The following CCDC17 variants were observed in gnomAD, a reference collection of about 807,000 sequenced individuals.
CCDC17 encodes the protein coiled-coil domain-containing protein 17.
A neutral mutation model predicts 68.0 loss-of-function variants in CCDC17; 79 were observed. That is an observed-to-expected ratio of 1.16 (90% CI 0.97 to 1.40). The LOEUF (loss-of-function observed/expected upper bound fraction) is 1.40, where lower values mean the gene tolerates loss of function less well. Ranked by LOEUF, CCDC17 falls within the 40% of genes most tolerant of loss-of-function variation. CCDC17 has a pLI of 0.00. For missense variants in CCDC17, 846 were observed against 811.5 expected, an observed-to-expected ratio of 1.04 and a Z score of -0.52; for synonymous variants, 376 against 337.5, an observed-to-expected ratio of 1.11 and a Z score of -1.25.
intron 7 of CCDC17, 39 bp from the exon 8 acceptor site, chr1:45,622,034 AAGC>A (rs1199476560): frequency 8.3e-6 from 13 of 1,557,318 alleles, no homozygotes; most frequent in Non-Finnish European, 9.6e-6. Flanking sequence ...AAGTTGGACA[AAGC>A]AGGTAATTAG....
intron 3 of CCDC17, 45 bp from the exon 4 acceptor site, chr1:45,623,162 A>G: frequency 1.3e-6 from 2 of 1,539,400 alleles, no homozygotes; most frequent in South Asian, 2.4e-5. Flanking sequence ...AGCAAGCTTA[A>G]GCCAAACGGC....
chr1:45,622,859 G>GAGAC, intron 4 of CCDC17, 25 bp from the exon 5 acceptor site: 2 of 1,582,684 alleles, frequency 1.3e-6, no homozygotes, highest in Non-Finnish European at 1.7e-6. Flanking sequence ...GACGCGCAGG[G>GAGAC]AGACGGTAAC....
chr1:45,621,099 G>A lies in CCDC17; in HGVS notation c.1403C>T (p.Ser468Leu). 6.2e-7 allele frequency: 1 copy of A among 1,613,864 alleles called. No homozygotes were observed. Among genetic ancestry groups the A allele is most frequent in the Non-Finnish European group, 8.5e-7 (1 of 1,179,804 alleles). ...RQPVPRLPPS[S>L]SVSLVCELQV... is the part of the protein sequence containing the mutation. ...CAGCTCACAGACCAAAGATACTGAT[G>A]ATGAGGGTGGTAGTCTGTAGAATAA... The change falls in exon 11 of 13, where the codon TCA becomes TTA. Residue 468 changes from serine to leucine, a missense_variant. Transcript: ENST00000528266.
chr1:45,620,879 C>G (rs771183008), intron 11 of CCDC17, 24 bp downstream of exon 11: 8 of 1,611,674 alleles, frequency 5.0e-6, no homozygotes, highest in Middle Eastern at 1.6e-4. Context: ...TGCTGTATGC[C>G]CAATCCCTGC....
rs1336336676 is a variant in CCDC17, at chr1:45,623,201, C to G, written c.493+16G>C. 9.7e-6 allele frequency: 15 copies of G among 1,541,822 alleles called. No homozygotes were observed. The highest frequency in any genetic ancestry group is 1.3e-5 in the Non-Finnish European group (15 of 1,143,044). On this transcript the variant is annotated intron_variant, in intron 3 of 12. Transcript: ENST00000528266. ...GGCAGAGGAGGTCCTTGGTCCCCGTCCCCCATCTCCTTCACCCTCGCCGCG... is the reference window on the plus strand; with the variant it reads ...GGCAGAGGAGGTCCTTGGTCCCCGTGCCCCATCTCCTTCACCCTCGCCGCG...
At position 45,621,382 on chromosome 1, in the gene CCDC17, T is replaced by C. The variant is rs1225854832; in HGVS notation, c.1287A>G (p.Gly429=). 6.3e-7 allele frequency: 1 copy of C among 1,594,674 alleles called. No homozygotes were observed. The part of the protein sequence containing the change: ...TGLARDGRDT[G]RTTALPPALC... ...GGGCTGGGGGCAACGCTGTGGTCCT[T>C]CCTGTATCCCGTCCATCGCGTGCCA... The change falls in exon 10 of 13, where the codon GGA becomes GGG. Residue 429 remains glycine (G), a synonymous_variant. Transcript: ENST00000528266.
intron 12 of CCDC17, 60 bp from the exon 13 acceptor site, chr1:45,620,493 T>TG: frequency 6.8e-7 from 1 of 1,477,992 alleles, no homozygotes; most frequent in Non-Finnish European, 9.0e-7. Context: ...ACACAGGTTT[T>TG]GGAGTTAGTT....
At position 45,622,588 on chromosome 1, in the gene CCDC17, C is replaced by T. The variant is rs1644306740; in HGVS notation, c.820G>A (p.Ala274Thr). 6.4e-7 allele frequency: 1 copy of T among 1,554,182 alleles called. No homozygotes were observed. Residue 274 changes from alanine (A) to threonine (T), a missense_variant, in exon 6 of 13, where the codon GCG (alanine) becomes ACG (threonine). Coordinates refer to ENST00000528266, the MANE Select transcript of CCDC17 (RefSeq NM_001114938.3). ...LGQIWQLQVE[A>T]SALELQRSQT... ...GACCGCTGCAGCTCCAGTGCAGACG[C>T]CTCCACCTGCAACTGCCATATCTGG...
At position 45,623,215 on chromosome 1, in the gene CCDC17, A is replaced by G. The variant is rs1262322126; in HGVS notation, c.493+2T>C. On this transcript the variant is annotated splice_donor_variant, in intron 3 of 12. Coordinates refer to ENST00000528266, the MANE Select transcript of CCDC17 (RefSeq NM_001114938.3). LOFTEE classifies it high-confidence loss of function. Reference sequence around the variant, plus strand: ...TTGGTCCCCGTCCCCCATCTCCTTCACCCTCGCCGCGTAGCTGCAGGGCCC... The same window carrying G: ...TTGGTCCCCGTCCCCCATCTCCTTCGCCCTCGCCGCGTAGCTGCAGGGCCC... The G allele has an allele frequency of 2.6e-6, 4 of 1,542,478 alleles. No individual in the cohort carries two copies. Among genetic ancestry groups the G allele is most frequent in the Non-Finnish European group, 1.7e-6 (2 of 1,144,580 alleles).
At position 45,623,987 on chromosome 1, in the gene CCDC17, A is replaced by T. The variant is rs906818137; in HGVS notation, c.-78T>A. 3.0e-6 allele frequency: 3 copies of T among 1,009,536 alleles called. No homozygotes were observed. In the Admixed American group the frequency reaches 8.7e-5, roughly 29 times the overall value. The allele number at this position is 1,009,536 out of a possible 1,614,324, so 62.5% of individuals were successfully genotyped here. ...GCAGGGGAAAGGCAGAGGAGGATGA[A>T]AGAGACATAAAGCCAGAGGCAGAGA... is the stretch of plus-strand genomic sequence containing the variant. On this transcript the variant is annotated 5_prime_UTR_variant, in exon 1 of 13. Transcript: ENST00000528266.
chr1:45,621,909 G>A lies in CCDC17; in HGVS notation c.1054C>T (p.Pro352Ser). ...AAGCCTGGAAGTGGTGGCAGCGGTG[G>A]TGCCACCGGTGGCGGGAGGAGTGGG... is the stretch of plus-strand genomic sequence containing the variant. ...DPPLLPPPVAPPLPPLPGFSE... is the reference protein window; with the variant it reads ...DPPLLPPPVASPLPPLPGFSE... Residue 352 changes from proline (P) to serine (S), a missense_variant, in exon 8 of 13, where the codon CCA (proline) becomes TCA (serine). Transcript: ENST00000528266. The A allele has an allele frequency of 6.2e-7, 1 of 1,608,142 alleles. No individual in the cohort carries two copies. Among genetic ancestry groups the A allele is most frequent in the South Asian group, 1.1e-5 (1 of 90,252 alleles).
In CCDC17 at chr1:45,622,321, A is replaced by C. The variant is rs776436287; in HGVS notation, c.887T>G (p.Leu296Arg). The change falls in exon 7 of 13, where the codon CTT becomes CGT. Residue 296 changes from leucine (L) to arginine (R), a missense_variant. Coordinates refer to ENST00000528266, the MANE Select transcript of CCDC17 (RefSeq NM_001114938.3). The part of the protein sequence containing the change: ...RGRAGATSGE[L>R]PVVEAENRRL... ...CCGGTTTTCAGCCTCCACTACTGGAAGCTCCCCTGAGGTGGCACCTGCCCT... is the reference window on the plus strand; with the variant it reads ...CCGGTTTTCAGCCTCCACTACTGGACGCTCCCCTGAGGTGGCACCTGCCCT... 8.1e-6 allele frequency: 13 copies of C among 1,610,474 alleles called. No individual in the cohort carries two copies. The East Asian group carries it at 2.9e-4, about 36-fold the overall frequency.
Position 45,621,016 on chromosome 1 carries a change from G to A in CCDC17, c.1486C>T (p.Leu496Phe). ...RAPQPKAWVS[L>F]GLFDQDQRVL... ...CGCTGATCTTGGTCAAATAGTCCAA[G>A]TGAGACCCAAGCCTTTGGCTGTGGT... Residue 496 changes from leucine (L) to phenylalanine (F), a missense_variant, in exon 11 of 13, where the codon CTT becomes TTT. Coordinates refer to ENST00000528266, the MANE Select transcript of CCDC17 (RefSeq NM_001114938.3). 6.2e-7 allele frequency: 1 copy of A among 1,613,986 alleles called. No individual in the cohort carries two copies. The highest frequency in any genetic ancestry group is 1.6e-4 in the Middle Eastern group (1 of 6,062).
In CCDC17 at chr1:45,623,935, A is replaced by G; in HGVS notation, c.-26T>C. 6.9e-7 allele frequency: 1 copy of G among 1,453,206 alleles called. No individual in the cohort carries two copies. The highest frequency in any genetic ancestry group is 9.2e-7 in the Non-Finnish European group (1 of 1,090,262). The allele number at this position is 1,453,206 out of a possible 1,614,324, so 90.0% of individuals were successfully genotyped here. A position where few individuals can be genotyped will look rare whatever the true frequency, so the allele number is the denominator to read the frequency against. On this transcript the variant is annotated 5_prime_UTR_variant, in exon 1 of 13. Transcript: ENST00000528266. Reference sequence around the variant, plus strand: ...GGGATGGGACCCGTTTCCTGAAACCAGCCAAGACCTGCAGAAGGGATCAAG... The same window carrying G: ...GGGATGGGACCCGTTTCCTGAAACCGGCCAAGACCTGCAGAAGGGATCAAG...
In CCDC17 at chr1:45,623,749, G is replaced by C; in HGVS notation, c.161C>G (p.Pro54Arg). 1 of 1,551,060 alleles carries C rather than the reference G, an allele frequency of 6.4e-7. No homozygotes were observed. The highest frequency in any genetic ancestry group is 1.2e-5 in the South Asian group (1 of 83,984). ...FGAQASVATEPQRAAVVPQEH... is the reference protein window; with the variant it reads ...FGAQASVATERQRAAVVPQEH... ...GGAGGCCCTTACCGCGGCCCGCTGGGGTTCAGTGGCAACTGATGCCTGTGC... is the reference window on the plus strand; with the variant it reads ...GGAGGCCCTTACCGCGGCCCGCTGGCGTTCAGTGGCAACTGATGCCTGTGC... Residue 54 changes from proline to arginine, a missense_variant, in exon 1 of 13, where the codon CCC (proline) becomes CGC (arginine). By Grantham distance (103) the Pro-to-Arg change is moderately radical (BLOSUM62 -2). Coordinates refer to ENST00000528266, the MANE Select transcript of CCDC17 (RefSeq NM_001114938.3).
Position 45,621,925 on chromosome 1 carries a change from G to T in CCDC17, c.1038C>A (p.Leu346=), listed in dbSNP as rs759466886. The T allele has an allele frequency of 3.0e-5, 49 of 1,610,036 alleles. No homozygotes were observed. The highest frequency in any genetic ancestry group is 3.9e-5 in the Non-Finnish European group (46 of 1,178,592). Residue 346 remains leucine, a synonymous_variant, in exon 8 of 13, where the codon CTC becomes CTA. Coordinates refer to ENST00000528266, the MANE Select transcript of CCDC17 (RefSeq NM_001114938.3). ...GCAGCGGTGGTGCCACCGGTGGCGG[G>T]AGGAGTGGGGGATCTCTCCTCCCCT... ...QPKGRRDPPL[L]PPPVAPPLPP...
chr1:45,621,771 T>G (rs1168753945), intron 8 of CCDC17, 36 bp from the exon 9 acceptor site: 1 of 1,609,518 alleles, frequency 6.2e-7, no homozygotes, highest in African/African-American at 1.3e-5. Context: ...CAGAAAGCCT[T>G]GTAGCTGCTC....
At position 45,623,209 on chromosome 1, in the gene CCDC17, T is replaced by C; in HGVS notation, c.493+8A>G. ...AGGTCCTTGGTCCCCGTCCCCCATC[T>C]CCTTCACCCTCGCCGCGTAGCTGCA... On this transcript the variant is annotated splice_region_variant and intron_variant, in intron 3 of 12. Transcript: ENST00000528266. 1 of 1,541,962 alleles carries C rather than the reference T, an allele frequency of 6.5e-7. No homozygotes were observed.
chr1:45,621,254 C>T (rs1644244226), intron 10 of CCDC17, 27 bp downstream of exon 10: 2 of 1,554,542 alleles, frequency 1.3e-6, no homozygotes, highest in Non-Finnish European at 1.7e-6. Flanking sequence ...TGGCAGAGTA[C>T]CAGAGTCATG....
Sources: allele counts gnomAD v4.1 joint callset, GRCh38; gene constraint gnomAD v4.1.1; transcripts MANE v1.5; gene names NCBI Gene and HGNC (gene_info 2026-07-23, HGNC 2026-07-21).